The following BTBD9 variants were observed in gnomAD, a reference collection of about 807,000 sequenced individuals.
BTBD9 encodes the protein BTB/POZ domain-containing protein 9.
A neutral mutation model predicts 64.3 loss-of-function variants in BTBD9; 49 were observed. The ratio of observed to expected loss-of-function variants is 0.76; its 90% CI spans 0.61 to 0.97. The LOEUF is 0.97. Among genes scored for constraint, BTBD9 ranks in the 50% least tolerant of loss-of-function variants. The pLI, the probability that BTBD9 is intolerant of heterozygous loss-of-function variation, is 0.00. For missense variants in BTBD9, 598 were observed against 762.1 expected, an observed-to-expected ratio of 0.78 and a Z score of 2.53; for synonymous variants, 260 against 274.7, an observed-to-expected ratio of 0.95 and a Z score of 0.53.
chr6:38,439,850 T>C (rs905997396), intron 6 of BTBD9, among the ~76,000 whole-genome samples: 1 of 152,166 alleles, frequency 6.6e-6, no homozygotes, highest in African/African-American at 2.4e-5. Context: ...TATGCTACTG[T>C]TCCACGTTCT....
intron 6 of BTBD9, among the ~76,000 whole-genome samples, chr6:38,377,773 C>T (rs1765751626): frequency 6.6e-6 from 1 of 152,102 alleles, no homozygotes; most frequent in African/African-American, 2.4e-5. Context: ...TTACCCAAAA[C>T]ATTAATTTTC....
At chr6:38,210,160 A>T (rs1026365209) in intron 9 of BTBD9, among the ~76,000 whole-genome samples, 4 of 152,178 alleles carry the variant, frequency 2.6e-5, no homozygotes, top group African/African-American at 7.2e-5. Flanking sequence ...AGCCTCCTTG[A>T]TTCCCCTAAG....
intron 6 of BTBD9, among the ~76,000 whole-genome samples, chr6:38,541,555 GGC>G (rs1774277797): frequency 6.6e-6 from 1 of 152,180 alleles, no homozygotes; most frequent in South Asian, 2.1e-4. Flanking sequence ...TGGCTAATAT[GGC>G]GAAGCCCCGT....
intron 7 of BTBD9, among the ~76,000 whole-genome samples, chr6:38,339,867 G>T (rs1036343794): frequency 2.3e-4 from 35 of 152,142 alleles, no homozygotes; most frequent in African/African-American, 8.5e-4. Flanking sequence ...ACTACACAGA[G>T]AATCGTTGCA....
chr6:38,185,188 G>A (rs1284812178), intron 10 of BTBD9, among the ~76,000 whole-genome samples: 1 of 152,122 alleles, frequency 6.6e-6, no homozygotes, highest in Non-Finnish European at 1.5e-5. Context: ...AGGGCTGGCT[G>A]CTGTTTTCAT....
intron 4 of BTBD9, among the ~76,000 whole-genome samples, chr6:38,586,172 C>T (rs1776512037): frequency 1.3e-5 from 2 of 151,958 alleles, no homozygotes; most frequent in African/African-American, 4.8e-5. Flanking sequence ...TCAGCCTTAA[C>T]AAAAAAGCAC....
intron 6 of BTBD9, among the ~76,000 whole-genome samples, chr6:38,452,572 G>GAA (rs528429520): frequency 6.9e-6 from 1 of 145,722 alleles, no homozygotes; most frequent in African/African-American, 2.5e-5. Flanking sequence ...AATGAGAATG[G>GAA]AAAAAAAAAA....
Position 38,170,416 on chromosome 6 carries a change from C to T in BTBD9, c.*4569G>A, listed in dbSNP as rs1038848378. ...CTCTTTCCTCCTCCCTGATGGAAGC[C>T]AGAGACCTACCACAAACAAAGACCT... On this transcript the variant is annotated 3_prime_UTR_variant, in exon 11 of 11. Transcript: ENST00000481247. 2 of 152,790 alleles carry T rather than the reference C, an allele frequency of 1.3e-5. No individual in the cohort carries two copies. The highest frequency in any genetic ancestry group is 4.8e-5 in the African/African-American group (2 of 41,466). 9.5% of individuals were successfully genotyped at this position (152,790 alleles called of 1,614,324 possible).
At chr6:38,517,777 T>C (rs769915049) in intron 6 of BTBD9, among the ~76,000 whole-genome samples, 7 of 152,216 alleles carry the variant, frequency 4.6e-5, no homozygotes, top group Non-Finnish European at 1.0e-4. Context: ...TAGTTTGTTG[T>C]AAAGCAAAAG....
chr6:38,523,979 A>G (rs1255700315), intron 6 of BTBD9, among the ~76,000 whole-genome samples: 2 of 152,136 alleles, frequency 1.3e-5, no homozygotes, highest in Non-Finnish European at 2.9e-5. Flanking sequence ...TACACTATTC[A>G]TTTGTCAATA....
At chr6:38,630,260 C>G (rs1018868175) in intron 1 of BTBD9, among the ~76,000 whole-genome samples, 22 of 150,762 alleles carry the variant, frequency 1.5e-4, no homozygotes, top group African/African-American at 5.4e-4. Flanking sequence ...CACCACATGG[C>G]TGGTTTTTTG....
chr6:38,297,967 A>C (rs1582185517), intron 7 of BTBD9, among the ~76,000 whole-genome samples: 1 of 150,410 alleles, frequency 6.6e-6, no homozygotes, highest in Non-Finnish European at 1.5e-5. Flanking sequence ...CAGCCTCCCA[A>C]GTAGCTCGGA....
chr6:38,387,286 C>A (rs895128926), intron 6 of BTBD9, among the ~76,000 whole-genome samples: 5 of 152,192 alleles, frequency 3.3e-5, no homozygotes, highest in Non-Finnish European at 7.4e-5. Context: ...CCTGTAATCC[C>A]AACACTTTGG....
chr6:38,372,658 C>T (rs931015193), intron 6 of BTBD9, among the ~76,000 whole-genome samples: 5 of 152,146 alleles, frequency 3.3e-5, no homozygotes, highest in African/African-American at 1.2e-4. Context: ...GTGGCCTACC[C>T]ATCTGGTGCT....
At position 38,341,476 on chromosome 6, in the gene BTBD9, G is replaced by T. The variant is rs189788628; in HGVS notation, c.1264+3508C>A. Among the ~76,000 whole-genome samples, 384 of 152,290 alleles carry T rather than the reference G, an allele frequency of 2.5e-3. 1 individual carries two copies. Among genetic ancestry groups the T allele is most frequent in the South Asian group, 0.012 (60 of 4,814 alleles). On this transcript the variant is annotated intron_variant, in intron 7 of 10. Transcript: ENST00000481247. Reference sequence around the variant, plus strand: ...TGAATTGATAATTTTTTAAAGCTGGGTGATAGGTACTATTCTCTCTACTTG... The same window carrying T: ...TGAATTGATAATTTTTTAAAGCTGGTTGATAGGTACTATTCTCTCTACTTG...
At chr6:38,208,745 G>A (rs1452018379) in intron 9 of BTBD9, among the ~76,000 whole-genome samples, 6 of 152,114 alleles carry the variant, frequency 3.9e-5, no homozygotes, top group Non-Finnish European at 8.8e-5. Context: ...TAGCTGTCTC[G>A]CTGTCCAGAC....
At chr6:38,542,522 G>T (rs1410959618) in intron 6 of BTBD9, among the ~76,000 whole-genome samples, 3 of 152,072 alleles carry the variant, frequency 2.0e-5, no homozygotes, top group Non-Finnish European at 2.9e-5. Flanking sequence ...CTAATACAGA[G>T]ATTGCAAAGT....
At chr6:38,423,462 A>G (rs1767999561) in intron 6 of BTBD9, among the ~76,000 whole-genome samples, 1 of 151,828 alleles carries the variant, frequency 6.6e-6, no homozygotes, top group Admixed American at 6.6e-5. Context: ...GTGCCACCAC[A>G]CTCGGCTAAT....
At position 38,478,766 on chromosome 6, in the gene BTBD9, C is replaced by T. The variant is rs191363231; in HGVS notation, c.1154+98834G>A. Among the ~76,000 whole-genome samples the T allele has an allele frequency of 1.0e-3, 155 of 152,258 alleles. No individual in the cohort carries two copies. The Middle Eastern group carries it at 0.014, about 13-fold the overall frequency. The stretch of plus-strand genomic sequence containing the variant: ...CCTTGGAGAAGGGAAGAAACAAATG[C>T]CAGATTAAAACTCAGAGGAAACTCT... On this transcript the variant is annotated intron_variant, in intron 6 of 10. Transcript: ENST00000481247.
Sources: allele counts gnomAD v4.1 joint callset (sites outside exome capture counted in the v4.1 genomes callset), GRCh38; gene constraint gnomAD v4.1.1; transcripts MANE v1.5; gene names NCBI Gene and HGNC (gene_info 2026-07-23, HGNC 2026-07-21).